ARFGAP1: variants seen among roughly 807,000 people sequenced by gnomAD.
ARFGAP1 encodes ARF GTPase activating protein 1, also known as ADP-ribosylation factor GTPase-activating protein 1.
ARFGAP1 carries 26 observed loss-of-function variants against 54.0 expected under a neutral mutation model. The ratio of observed to expected loss-of-function variants is 0.48; its 90% CI spans 0.35 to 0.67. The LOEUF (loss-of-function observed/expected upper bound fraction) is 0.67, where lower values mean the gene tolerates loss of function less well. Ranked by LOEUF, ARFGAP1 falls within the 30% of genes least tolerant of loss-of-function variation. ARFGAP1 has a pLI of 0.00. For missense variants in ARFGAP1, 525 were observed against 535.8 expected (o/e 0.98, Z 0.20); for synonymous variants, 248 against 211.9 (o/e 1.17, Z -1.48).
chr20:63,282,430 G>T (rs544358497), intron 8 of ARFGAP1, among the ~76,000 whole-genome samples: 32 of 152,382 alleles, frequency 2.1e-4, no homozygotes, highest in Non-Finnish European at 3.7e-4. Flanking sequence ...CAGGGTAGAT[G>T]GGGCTGGGGC....
At position 63,287,624 on chromosome 20, in the gene ARFGAP1, A is replaced by C. The variant is rs781667931; in HGVS notation, c.972A>C (p.Ile324=). ...TGGACCACTTCCAAAACAGCAACAT[A>C]GACCAGAGCTTCTGGGAGACCTTTG... ...SGLDHFQNSN[I]DQSFWETFGS... Residue 324 remains isoleucine (I), a synonymous_variant, in exon 13 of 13, where the codon ATA becomes ATC. Coordinates refer to ENST00000370283, the MANE Select transcript of ARFGAP1 (RefSeq NM_018209.4). 3 of 1,612,350 alleles carry C rather than the reference A, an allele frequency of 1.9e-6. No homozygotes were observed. Among genetic ancestry groups the C allele is most frequent in the Admixed American group, 3.3e-5 (2 of 59,966 alleles).
At chr20:63,287,195 C>T (rs1051581571) in intron 12 of ARFGAP1, among the ~76,000 whole-genome samples, 43 of 152,400 alleles carry the variant, frequency 2.8e-4, no homozygotes, top group Middle Eastern at 3.4e-3. Flanking sequence ...CTGGGGCCAG[C>T]GTAGCTGAGG....
rs1357748193 is a variant in ARFGAP1, at chr20:63,278,218, G to A, written c.530+15G>A. On this transcript the variant is annotated intron_variant, in intron 6 of 12. Transcript: ENST00000370283. ...TCCTATCAAGGGTAAGGACTTGAGA[G>A]CTGGGGACGCCTGGCGTGGGCCAGG... The A allele has an allele frequency of 1.2e-6, 2 of 1,611,828 alleles. No homozygotes were observed. The highest frequency in any genetic ancestry group is 1.7e-6 in the Non-Finnish European group (2 of 1,179,480).
chr20:63,284,016 T>A (rs2067457008), intron 9 of ARFGAP1: 2 of 1,492,998 alleles, frequency 1.3e-6, no homozygotes, highest in African/African-American at 2.8e-5. Context: ...CTCCCTGGCC[T>A]CGGTCCGTGG....
chr20:63,288,007 C>A lies in ARFGAP1; in HGVS notation c.*134C>A. Reference sequence around the variant, plus strand: ...GAGGACAGCGTCTCGGGAGGCAGGACCCTAGGGAGACCCGGGTGTGCGCCG... The same window carrying A: ...GAGGACAGCGTCTCGGGAGGCAGGAACCTAGGGAGACCCGGGTGTGCGCCG... On this transcript the variant is annotated 3_prime_UTR_variant, in exon 13 of 13. Transcript: ENST00000370283. 9.1e-7 allele frequency: 1 copy of A among 1,103,574 alleles called. No homozygotes were observed. The highest frequency in any genetic ancestry group is 1.3e-6 in the Non-Finnish European group (1 of 795,954). 68.4% of individuals were successfully genotyped at this position (1,103,574 alleles called of 1,614,324 possible). A position where few individuals can be genotyped will look rare whatever the true frequency, so the allele number is the denominator to read the frequency against.
chr20:63,286,295 G>T (rs929513294), intron 11 of ARFGAP1, 71 bp from the exon 12 acceptor site: 2 of 1,600,650 alleles, frequency 1.2e-6, no homozygotes, highest in Non-Finnish European at 1.7e-6. Context: ...GCCGGCTTGC[G>T]TGTGGGGGCC....
chr20:63,277,158 T>A (rs974743627), intron 4 of ARFGAP1, 47 bp from the exon 5 acceptor site: 20 of 1,551,530 alleles, frequency 1.3e-5, no homozygotes, highest in Non-Finnish European at 1.8e-5. Flanking sequence ...CCCGAGGGCA[T>A]CGCCAGGCGC....
intron 11 of ARFGAP1, 90 bp downstream of exon 11, chr20:63,285,803 G>T: frequency 6.5e-7 from 1 of 1,544,040 alleles, no homozygotes; most frequent in Non-Finnish European, 8.9e-7. Flanking sequence ...GCCCCGTGCA[G>T]CCCTCAGCCC....
intron 7 of ARFGAP1, among the ~76,000 whole-genome samples, chr20:63,279,625 C>A (rs1376031862): frequency 6.6e-6 from 1 of 152,176 alleles, no homozygotes; most frequent in Non-Finnish European, 1.5e-5. Context: ...GGGAGTGCTA[C>A]ATGCATTGGG....
rs886832388 is a variant in ARFGAP1 at position 63,286,066 on chromosome 20, G to A, written c.835-300G>A. 20 of 1,549,646 alleles carry A rather than the reference G, an allele frequency of 1.3e-5. No individual in the cohort carries two copies. Among genetic ancestry groups the A allele is most frequent in the East Asian group, 4.9e-5 (2 of 40,924 alleles). On this transcript the variant is annotated intron_variant, in intron 11 of 12. Transcript: ENST00000370283. ...TTTGTCCTGTTTCCTGGCATGAGGC[G>A]CTCTGCGGACAGACGGGGAGGGAAG...
In ARFGAP1 at chr20:63,288,477, A is replaced by G; in HGVS notation, c.*604A>G. On this transcript the variant is annotated 3_prime_UTR_variant, in exon 13 of 13. Transcript: ENST00000370283. ...TAACCCTCTGTGGCTCCCCTGCATC[A>G]GCACCGTCCCACCACCAAGTTCACC... is the stretch of plus-strand genomic sequence containing the variant. 1 of 456,018 alleles carries G rather than the reference A, an allele frequency of 2.2e-6. No individual in the cohort carries two copies. The highest frequency in any genetic ancestry group is 1.5e-5 in the South Asian group (1 of 64,556). 28.2% of individuals were successfully genotyped at this position (456,018 alleles called of 1,614,324 possible).
At chr20:63,284,614 G>A (rs1018378499) in intron 9 of ARFGAP1, 2 of 1,356,426 alleles carry the variant, frequency 1.5e-6, no homozygotes, top group Non-Finnish European at 1.9e-6. Context: ...TGGCGCGTGA[G>A]GGAGGACCCT....
At chr20:63,282,913 G>T (rs960402756) in intron 9 of ARFGAP1, 62 bp downstream of exon 9, 1 of 1,577,268 alleles carries the variant, frequency 6.3e-7, no homozygotes, top group Non-Finnish European at 8.7e-7. Context: ...CTGACGTCAC[G>T]TGCAGCACCT....
rs2067610880 is a variant in ARFGAP1, at chr20:63,288,006, A to G, written c.*133A>G. The G allele has an allele frequency of 8.0e-6, 9 of 1,118,738 alleles. No homozygotes were observed. Among genetic ancestry groups the G allele is most frequent in the Non-Finnish European group, 8.6e-6 (7 of 809,970 alleles). The allele number at this position is 1,118,738 out of a possible 1,614,324, so 69.3% of individuals were successfully genotyped here. ...TGAGGACAGCGTCTCGGGAGGCAGG[A>G]CCCTAGGGAGACCCGGGTGTGCGCC... is the stretch of plus-strand genomic sequence containing the variant. On this transcript the variant is annotated 3_prime_UTR_variant, in exon 13 of 13. Transcript: ENST00000370283.
rs1329519743 is a variant in ARFGAP1 at position 63,287,922 on chromosome 20, C to T, written c.*49C>T. The T allele has an allele frequency of 6.9e-7, 1 of 1,453,636 alleles. No individual in the cohort carries two copies. The highest frequency in any genetic ancestry group is 9.1e-7 in the Non-Finnish European group (1 of 1,101,750). 90.0% of individuals were successfully genotyped at this position (1,453,636 alleles called of 1,614,324 possible). On this transcript the variant is annotated 3_prime_UTR_variant, in exon 13 of 13. Transcript: ENST00000370283. ...GCGCCCCCGGGCGACTTCGTGTTTGCACTCTGCCCTCGTCGTTCCTCCTCC... is the reference window on the plus strand; with the variant it reads ...GCGCCCCCGGGCGACTTCGTGTTTGTACTCTGCCCTCGTCGTTCCTCCTCC...
chr20:63,288,196 A>AGCG lies in ARFGAP1; in HGVS notation c.*326_*328dup, dbSNP rs1446181949. On this transcript the variant is annotated 3_prime_UTR_variant, in exon 13 of 13. Coordinates refer to ENST00000370283, the MANE Select transcript of ARFGAP1 (RefSeq NM_018209.4). ...GCACAGAGGCCTGTGACTGCGTTCC[A>AGCG]GCGGCCAGTTCACTACGCAGTATCT... 1.8e-6 allele frequency: 1 copy of AGCG among 566,688 alleles called. No individual in the cohort carries two copies. The highest frequency in any genetic ancestry group is 1.8e-5 in the African/African-American group (1 of 54,558). 35.1% of individuals were successfully genotyped at this position (566,688 alleles called of 1,614,324 possible). A position where few individuals can be genotyped will look rare whatever the true frequency, so the allele number is the denominator to read the frequency against.
intron 7 of ARFGAP1, among the ~76,000 whole-genome samples, chr20:63,280,255 G>T (rs903100851): frequency 6.6e-6 from 1 of 152,256 alleles, no homozygotes; most frequent in Non-Finnish European, 1.5e-5. Flanking sequence ...AGCCAAGGAA[G>T]GGCTTATTTT....
At chr20:63,281,223 A>C in intron 7 of ARFGAP1, 68 bp from the exon 8 acceptor site, 1 of 1,501,136 alleles carries the variant, frequency 6.7e-7, no homozygotes, top group Non-Finnish European at 9.0e-7. Flanking sequence ...CCTTGCTGAG[A>C]TACTCTGCTC....
chr20:63,277,771 A>G (rs2067271705), intron 5 of ARFGAP1, among the ~76,000 whole-genome samples: 1 of 152,242 alleles, frequency 6.6e-6, no homozygotes, highest in African/African-American at 2.4e-5. Context: ...TAGTCCTGCC[A>G]CATCCACGTG....
Sources: allele counts gnomAD v4.1 joint callset (sites outside exome capture counted in the v4.1 genomes callset), GRCh38; gene constraint gnomAD v4.1.1; transcripts MANE v1.5; gene names NCBI Gene and HGNC (gene_info 2026-07-23, HGNC 2026-07-21).